The following PRKCE variants were observed in gnomAD, a reference collection of about 807,000 sequenced individuals.
PRKCE encodes the protein protein kinase C epsilon.
Under a neutral mutation model 85.4 loss-of-function variants are expected in PRKCE, and 16 were observed. The ratio of observed to expected loss-of-function variants is 0.19; its 90% confidence interval spans 0.13 to 0.28. The LOEUF (loss-of-function observed/expected upper bound fraction) is 0.28, where lower values mean the gene tolerates loss of function less well. PRKCE is among the 10% of genes least tolerant of loss of function. The pLI is 1.00. For synonymous variants in PRKCE, 388 were observed against 371.5 expected, an observed-to-expected ratio of 1.04 and a Z score of -0.51; for missense variants, 573 against 975.2, an observed-to-expected ratio of 0.59 and a Z score of 5.49.
At chr2:45,673,514 T>C (rs1572901709) in intron 1 of PRKCE, among the ~76,000 whole-genome samples, 1 of 152,230 alleles carries the variant, frequency 6.6e-6, no homozygotes, top group East Asian at 1.9e-4. Flanking sequence ...AAACACTGTC[T>C]TAGAATCTGG....
At chr2:45,976,299 C>A in intron 2 of PRKCE, 130 bp from the exon 3 acceptor site, 1 of 1,079,870 alleles carries the variant, frequency 9.3e-7, no homozygotes, top group Non-Finnish European at 1.3e-6. Flanking sequence ...AGTCCCTCCA[C>A]ACACAAAGGC....
At position 46,019,847 on chromosome 2, in the gene PRKCE, C is replaced by CTTT. The variant is rs869079304; in HGVS notation, c.1437+9349_1437+9351dup. Among the ~76,000 whole-genome samples, 780 of 105,894 alleles carry CTTT rather than the reference C, an allele frequency of 7.4e-3. 29 individuals carry two copies. The highest frequency in any genetic ancestry group is 0.024 in the African/African-American group (615 of 25,694). 69.5% of individuals were successfully genotyped at this position (105,894 alleles called of 152,430 possible). A position where few individuals can be genotyped will look rare whatever the true frequency, so the allele number is the denominator to read the frequency against. On this transcript the variant is annotated intron_variant, in intron 10 of 14. Coordinates refer to ENST00000306156, the MANE Select transcript of PRKCE (RefSeq NM_005400.3). Reference sequence around the variant, plus strand: ...TTTCTTGTAAAGCTGTTGGTTTTCTCTTTTTTTTTTTTTTTTTTTTTGAGA... The same window carrying CTTT: ...TTTCTTGTAAAGCTGTTGGTTTTCTCTTTTTTTTTTTTTTTTTTTTTTTTGAGA...
intron 10 of PRKCE, among the ~76,000 whole-genome samples, chr2:46,071,300 T>C (rs1255508567): frequency 6.6e-6 from 1 of 152,242 alleles, no homozygotes; most frequent in Non-Finnish European, 1.5e-5. Flanking sequence ...TGAAATTTGT[T>C]TATCATGGAG....
intron 1 of PRKCE, among the ~76,000 whole-genome samples, chr2:45,696,207 A>G (rs931660427): frequency 1.3e-5 from 2 of 150,822 alleles, no homozygotes; most frequent in African/African-American, 4.9e-5. Context: ...CCTTTCACCT[A>G]AGCCTCCCAA....
At chr2:46,008,833 A>C (rs1705422741) in intron 9 of PRKCE, among the ~76,000 whole-genome samples, 1 of 152,230 alleles carries the variant, frequency 6.6e-6, no homozygotes, top group Non-Finnish European at 1.5e-5. Context: ...AGGTTTTCAT[A>C]TAGTGTAGGC....
At chr2:45,963,842 A>T (rs547299712) in intron 2 of PRKCE, among the ~76,000 whole-genome samples, 6 of 151,772 alleles carry the variant, frequency 4.0e-5, no homozygotes, top group Non-Finnish European at 7.4e-5. Flanking sequence ...AGTGCTCAAA[A>T]CTGCCTTAGT....
chr2:46,063,947 C>T (rs1667380385), intron 10 of PRKCE, among the ~76,000 whole-genome samples: 1 of 152,164 alleles, frequency 6.6e-6, no homozygotes, highest in Non-Finnish European at 1.5e-5. Flanking sequence ...GGTGTTAGGC[C>T]TCACATCTTT....
chr2:45,856,522 G>C (rs1189675921), intron 2 of PRKCE, among the ~76,000 whole-genome samples: 1 of 152,170 alleles, frequency 6.6e-6, no homozygotes, highest in Non-Finnish European at 1.5e-5. Context: ...TGAGCCATGT[G>C]CCTGGCGCAT....
chr2:46,018,899 G>A (rs944542796), intron 10 of PRKCE, among the ~76,000 whole-genome samples: 1 of 152,224 alleles, frequency 6.6e-6, no homozygotes, highest in South Asian at 2.1e-4. Flanking sequence ...CAGGTGGCTG[G>A]TAAGTGCCTG....
intron 11 of PRKCE, among the ~76,000 whole-genome samples, chr2:46,142,888 G>T (rs1398628210): frequency 1.3e-5 from 2 of 152,220 alleles, no homozygotes; most frequent in African/African-American, 4.8e-5. Flanking sequence ...AAAATTAGAA[G>T]AAGTCCTTCC....
intron 2 of PRKCE, among the ~76,000 whole-genome samples, chr2:45,928,677 T>A (rs1698811575): frequency 6.6e-6 from 1 of 152,210 alleles, no homozygotes; most frequent in Admixed American, 6.5e-5. Context: ...GAAGCGTCTT[T>A]GCTAGAATGG....
chr2:45,713,333 A>G lies in PRKCE; in HGVS notation c.348+60885A>G, dbSNP rs184475984. 7.4e-4 allele frequency among the ~76,000 whole-genome samples: 112 copies of G among 152,132 alleles called. 1 individual carries two copies. In the East Asian group the frequency reaches 0.011, roughly 15 times the overall value. On this transcript the variant is annotated intron_variant, in intron 1 of 14. Coordinates refer to ENST00000306156, the MANE Select transcript of PRKCE (RefSeq NM_005400.3). ...TGCCTGAGGGTGGCTAATAATGTGT[A>G]TTTTTCTTTGCCCTACATATTTGTG...
intron 10 of PRKCE, among the ~76,000 whole-genome samples, chr2:46,021,212 G>A (rs371334468): frequency 1.1e-4 from 16 of 152,290 alleles, no homozygotes; most frequent in South Asian, 2.1e-4. Context: ...CTAGGAAGCC[G>A]TGAGGAAGAC....
At chr2:45,735,237 T>G (rs1022764925) in intron 1 of PRKCE, among the ~76,000 whole-genome samples, 3 of 152,238 alleles carry the variant, frequency 2.0e-5, no homozygotes, top group African/African-American at 4.8e-5. Flanking sequence ...CTCCCACCAC[T>G]AGAGGTTTCC....
intron 1 of PRKCE, among the ~76,000 whole-genome samples, chr2:45,717,764 C>T (rs139897274): frequency 3.2e-3 from 485 of 152,284 alleles, no homozygotes; most frequent in Middle Eastern, 0.014. Context: ...TTCCACAAAC[C>T]GGTCATTAAT....
chr2:45,690,409 A>G (rs959324587), intron 1 of PRKCE, among the ~76,000 whole-genome samples: 2 of 152,218 alleles, frequency 1.3e-5, no homozygotes, highest in African/African-American at 2.4e-5. Flanking sequence ...GCAGGGGCTG[A>G]AAACACTGGT....
chr2:45,758,767 G>T (rs1235145047), intron 1 of PRKCE, among the ~76,000 whole-genome samples: 1 of 152,198 alleles, frequency 6.6e-6, no homozygotes, highest in African/African-American at 2.4e-5. Context: ...CTAGGACACT[G>T]CCTGGAATGT....
At chr2:45,710,647 C>T (rs1208698919) in intron 1 of PRKCE, among the ~76,000 whole-genome samples, 2 of 152,250 alleles carry the variant, frequency 1.3e-5, no homozygotes, top group East Asian at 3.8e-4. Context: ...GACATTGCGG[C>T]TCCAGCATGG....
At chr2:46,127,902 G>T (rs991342289) in intron 11 of PRKCE, among the ~76,000 whole-genome samples, 12 of 152,238 alleles carry the variant, frequency 7.9e-5, no homozygotes, top group East Asian at 1.9e-4. Flanking sequence ...AGACATGGCC[G>T]TGGGAAAACA....
Sources: allele counts gnomAD v4.1 joint callset (sites outside exome capture counted in the v4.1 genomes callset), GRCh38; gene constraint gnomAD v4.1.1; transcripts MANE v1.5; gene names NCBI Gene and HGNC (gene_info 2026-07-23, HGNC 2026-07-21).